The following PRMT8 variants were observed in gnomAD, a reference collection of about 807,000 sequenced individuals.
PRMT8 encodes the protein protein arginine methyltransferase 8, also known as protein arginine N-methyltransferase 8.
PRMT8 carries 7 observed loss-of-function variants against 47.1 expected under a neutral mutation model. The observed-to-expected ratio is 0.15, with a 90% CI of 0.08 to 0.28. The LOEUF is 0.28. Ranked by LOEUF, PRMT8 falls within the 10% of genes least tolerant of loss-of-function variation. The pLI is 1.00. For missense variants in PRMT8, 237 were observed against 505.4 expected (o/e 0.47, Z 5.09); for synonymous variants, 188 against 186.5 (o/e 1.01, Z -0.07).
chr12:3,420,715 T>A (rs991893478), intron 1 of PRMT8, among the ~76,000 whole-genome samples: 6 of 152,222 alleles, frequency 3.9e-5, no homozygotes, highest in Admixed American at 2.6e-4. Context: ...CTTGCTTTCT[T>A]CCATGCTTTC....
At chr12:3,480,565 G>C (rs1865263934) in intron 1 of PRMT8, among the ~76,000 whole-genome samples, 1 of 152,038 alleles carries the variant, frequency 6.6e-6, no homozygotes, top group African/African-American at 2.4e-5. Flanking sequence ...TCTTTTTCTT[G>C]ACACCCACCT....
intron 1 of PRMT8, among the ~76,000 whole-genome samples, chr12:3,413,572 C>A (rs1864454129): frequency 6.6e-6 from 1 of 152,146 alleles, no homozygotes; most frequent in Non-Finnish European, 1.5e-5. Context: ...CTGTTATCTC[C>A]TATGATAACA....
chr12:3,408,377 G>A (rs1864393857), intron 1 of PRMT8, among the ~76,000 whole-genome samples: 1 of 151,984 alleles, frequency 6.6e-6, no homozygotes, highest in Non-Finnish European at 1.5e-5. Flanking sequence ...AGGACTACAG[G>A]CACTCAACAA....
intron 1 of PRMT8, among the ~76,000 whole-genome samples, chr12:3,454,997 C>T (rs1292220621): frequency 6.6e-6 from 1 of 152,178 alleles, no homozygotes; most frequent in Non-Finnish European, 1.5e-5. Flanking sequence ...AATTCATCCG[C>T]CTTACCCCAA....
intron 1 of PRMT8, among the ~76,000 whole-genome samples, chr12:3,389,029 A>G (rs1405817289): frequency 6.6e-6 from 1 of 152,170 alleles, no homozygotes; most frequent in Non-Finnish European, 1.5e-5. Flanking sequence ...CCTGCTTGCC[A>G]GCACCACACT....
chr12:3,437,612 T>C lies in PRMT8; in HGVS notation c.48+56170T>C, dbSNP rs991408135. On this transcript the variant is annotated intron_variant, in intron 1 of 9. Transcript: ENST00000452611. ...TTATGTAATCATTCCCTTTCTGGTG[T>C]GCATTCAGGCTATATATATATATAT... Among the ~76,000 whole-genome samples the C allele has an allele frequency of 4.4e-5, 5 of 112,826 alleles. No individual in the cohort carries two copies. The East Asian group carries it at 1.3e-3, about 29-fold the overall frequency. The allele number at this position is 112,826 out of a possible 152,430, so 74.0% of individuals were successfully genotyped here.
At chr12:3,462,203 C>A (rs1865049737) in intron 1 of PRMT8, among the ~76,000 whole-genome samples, 1 of 152,036 alleles carries the variant, frequency 6.6e-6, no homozygotes. Context: ...TCCATCCATG[C>A]TCCTGCAAAA....
chr12:3,577,186 G>A (rs1354046282), intron 7 of PRMT8, among the ~76,000 whole-genome samples, 200 bp downstream of exon 7: 1 of 152,230 alleles, frequency 6.6e-6, no homozygotes, highest in Admixed American at 6.5e-5. Flanking sequence ...TGGCTCCATG[G>A]TGGCACGGAT....
chr12:3,540,613 G>GGCCCCCC lies in PRMT8; in HGVS notation c.83_84insGCCCCCC (p.Ser28ArgfsTer16). 142 of 1,130,482 alleles carry GGCCCCCC rather than the reference G, an allele frequency of 1.3e-4. No individual in the cohort carries two copies. Among genetic ancestry groups the GGCCCCCC allele is most frequent in the Non-Finnish European group, 1.7e-4 (131 of 752,462 alleles). 70.0% of individuals were successfully genotyped at this position (1,130,482 alleles called of 1,614,324 possible). ...CCCTTCTCTTCCCCTCAGGTGAACA[G>GGCCCCCC]CCCCCCCTCCCAGCCCCCCCAGCCC... On this transcript the variant is annotated frameshift_variant, in exon 2 of 10. Coordinates refer to ENST00000382622, the MANE Select transcript of PRMT8 (RefSeq NM_019854.5). LOFTEE classifies it high-confidence loss of function.
upstream of PRMT8, among the ~76,000 whole-genome samples, chr12:3,489,907 G>C (rs79815264): frequency 8.1e-3 from 1,234 of 151,546 alleles, 14 homozygotes; most frequent in African/African-American, 0.028. Context: ...ATCCTCTCCT[G>C]TCTCTATCCC....
At chr12:3,524,432 C>T (rs1439988409) in intron 1 of PRMT8, among the ~76,000 whole-genome samples, 6 of 152,032 alleles carry the variant, frequency 3.9e-5, no homozygotes, top group Non-Finnish European at 1.5e-5. Context: ...GCCTCCCCAC[C>T]TTCCCCCTCT....
At chr12:3,457,221 G>A (rs1188686555) in intron 1 of PRMT8, among the ~76,000 whole-genome samples, 1 of 152,200 alleles carries the variant, frequency 6.6e-6, no homozygotes, top group African/African-American at 2.4e-5. Flanking sequence ...AAGGGCAGAG[G>A]AAGGCCTATC....
intron 1 of PRMT8, among the ~76,000 whole-genome samples, chr12:3,395,826 A>G (rs962943998): frequency 1.4e-4 from 21 of 151,988 alleles, no homozygotes; most frequent in African/African-American, 5.1e-4. Flanking sequence ...AAAGTCTCCC[A>G]TTACTAATGT....
chr12:3,545,494 A>G (rs947670762), intron 2 of PRMT8, among the ~76,000 whole-genome samples: 2 of 152,236 alleles, frequency 1.3e-5, no homozygotes, highest in African/African-American at 4.8e-5. Context: ...TAATAAGATC[A>G]AAGATATCAG....
chr12:3,459,938 AC>A (rs1156433537), intron 1 of PRMT8, among the ~76,000 whole-genome samples: 1 of 151,876 alleles, frequency 6.6e-6, no homozygotes, highest in African/African-American at 2.4e-5. Flanking sequence ...GTGCCCTCCG[AC>A]CCTCCTATGC....
At chr12:3,563,584 C>T (rs1866671854) in intron 4 of PRMT8, among the ~76,000 whole-genome samples, 1 of 152,074 alleles carries the variant, frequency 6.6e-6, no homozygotes, top group Non-Finnish European at 1.5e-5. Context: ...CCTTTGCCTT[C>T]TCTGATTTCT....
In PRMT8 at chr12:3,514,038, A is replaced by G. The variant is rs1390707862; in HGVS notation, c.75+22338A>G. On this transcript the variant is annotated intron_variant, in intron 1 of 9. Coordinates refer to ENST00000382622, the MANE Select transcript of PRMT8 (RefSeq NM_019854.5). The surrounding 1 kb of genome is among the most constrained non-coding windows in gnomAD (Gnocchi z 5.9). The stretch of plus-strand genomic sequence containing the variant: ...GGATCAGGCAGATCCGGGCAGAGGC[A>G]GGGGGCAGGGGCAGGATTTATTGTG... 6.6e-6 allele frequency among the ~76,000 whole-genome samples: 1 copy of G among 152,152 alleles called. No individual in the cohort carries two copies. The highest frequency in any genetic ancestry group is 1.5e-5 in the Non-Finnish European group (1 of 68,008).
At chr12:3,397,703 G>A (rs1347052705) in intron 1 of PRMT8, among the ~76,000 whole-genome samples, 1 of 152,100 alleles carries the variant, frequency 6.6e-6, no homozygotes, top group Non-Finnish European at 1.5e-5. Flanking sequence ...AGCCTACAGA[G>A]GCAGGCAGGC....
chr12:3,447,616 G>A (rs1864871948), intron 1 of PRMT8, among the ~76,000 whole-genome samples: 1 of 152,062 alleles, frequency 6.6e-6, no homozygotes, highest in Non-Finnish European at 1.5e-5. Context: ...CCTGCCCACT[G>A]ACCTCCTGTA....
Sources: gnomAD v4.1 joint callset for allele counts (sites outside exome capture counted in the v4.1 genomes callset) on GRCh38, gnomAD v4.1.1 for gene constraint, Gnocchi (gnomAD v3.1) non-coding constraint, MANE v1.5 for transcripts, NCBI Gene and HGNC (gene_info 2026-07-23, HGNC 2026-07-21) for gene names.